The following UIMC1 variants were observed in gnomAD, a reference collection of about 807,000 sequenced individuals.
The protein encoded by UIMC1 is BRCA1-A complex subunit RAP80.
A neutral mutation model predicts 84.9 loss-of-function variants in UIMC1; 42 were observed. The ratio of observed to expected loss-of-function variants is 0.49; its 90% CI spans 0.39 to 0.64. UIMC1 has a LOEUF of 0.64. Among genes scored for constraint, UIMC1 ranks in the 30% least tolerant of loss-of-function variants. The pLI, the probability that UIMC1 is intolerant of heterozygous loss-of-function variation, is 0.00. For synonymous variants in UIMC1, 281 were observed against 293.0 expected (o/e 0.96, Z 0.42); for missense variants, 825 against 847.6 (o/e 0.97, Z 0.33).
At chr5:176,993,906 G>A (rs1438754725) in intron 1 of UIMC1, among the ~76,000 whole-genome samples, 1 of 151,876 alleles carries the variant, frequency 6.6e-6, no homozygotes, top group Non-Finnish European at 1.5e-5. Context: ...TACTTGGGAG[G>A]CTGAGGCAGG....
At chr5:176,940,518 A>AG (rs750412066) in intron 10 of UIMC1, among the ~76,000 whole-genome samples, 2 of 152,220 alleles carry the variant, frequency 1.3e-5, no homozygotes, top group Non-Finnish European at 2.9e-5. Context: ...CAGACAAGAT[A>AG]GTCTCTTTCC....
chr5:176,942,745 T>TAAAA (rs1044619072), intron 10 of UIMC1, among the ~76,000 whole-genome samples: 110 of 76,130 alleles, frequency 1.4e-3, no homozygotes, highest in African/African-American at 5.3e-3. Context: ...GACTCCGTCT[T>TAAAA]AAAAAAAAAA....
upstream of UIMC1, among the ~76,000 whole-genome samples, chr5:177,011,017 A>T (rs982731986): frequency 6.6e-6 from 1 of 151,598 alleles, no homozygotes; most frequent in Admixed American, 6.6e-5. Context: ...ATATGGCAAA[A>T]CCCCATCTCT....
intron 10 of UIMC1, among the ~76,000 whole-genome samples, chr5:176,924,449 T>A (rs988233554): frequency 6.6e-6 from 1 of 152,076 alleles, no homozygotes; most frequent in African/African-American, 2.4e-5. Flanking sequence ...TGTACTGGCA[T>A]AAAGACAAAC....
At chr5:177,004,758 C>G (rs353494) in intron 1 of UIMC1, among the ~76,000 whole-genome samples, 64,727 of 152,010 alleles carry the variant, frequency 0.43, 14,007 homozygotes, top group East Asian at 0.48. Context: ...CTTGATCTAT[C>G]TGAAGAAAAA....
At chr5:177,005,232 C>A (rs1158663652) in intron 1 of UIMC1, among the ~76,000 whole-genome samples, 1 of 151,748 alleles carries the variant, frequency 6.6e-6, no homozygotes, top group Non-Finnish European at 1.5e-5. Flanking sequence ...CGCCACCACA[C>A]TCTAATAATT....
intron 9 of UIMC1, 45 bp from the exon 10 acceptor site, chr5:176,943,533 T>C (rs756123513): frequency 1.2e-6 from 2 of 1,600,284 alleles, no homozygotes; most frequent in South Asian, 1.1e-5. Context: ...TTAGTTCATA[T>C]CATTCCCTAC....
At chr5:176,955,626 C>T (rs1001603137) in intron 8 of UIMC1, among the ~76,000 whole-genome samples, 2 of 152,104 alleles carry the variant, frequency 1.3e-5, no homozygotes, top group African/African-American at 4.8e-5. Context: ...AATTAAATAA[C>T]AAAAGGCTCT....
At chr5:176,970,601 T>C (rs1329726952) in intron 4 of UIMC1, 141 bp downstream of exon 4, 7 of 1,367,526 alleles carry the variant, frequency 5.1e-6, no homozygotes, top group Admixed American at 1.7e-5. Flanking sequence ...AACACAGACT[T>C]TAAAAAATTA....
intron 1 of UIMC1, among the ~76,000 whole-genome samples, chr5:176,994,141 T>G: frequency 6.6e-6 from 1 of 151,876 alleles, no homozygotes; most frequent in East Asian, 1.9e-4. Context: ...CTATGTCACT[T>G]TACATCTCTA....
At position 176,943,445 on chromosome 5, in the gene UIMC1, G is replaced by C; in HGVS notation, c.1487C>G (p.Thr496Ser). ...GGATACCTGGTTACTGGATGAGAAG[G>C]TAGAAATAGCTACTTCCTTCTCAGC... Reference protein sequence around the residue: ...EDAEKEVAISTFSSSNQVSCP... With the variant: ...EDAEKEVAISSFSSSNQVSCP... Residue 496 changes from threonine to serine, a missense_variant, in exon 10 of 15, where the codon ACC (threonine) becomes AGC (serine). Physicochemically the swap from Thr to Ser is moderately conservative, Grantham distance 58. Transcript: ENST00000511320. The C allele has an allele frequency of 1.2e-6, 2 of 1,614,094 alleles. No homozygotes were observed. The highest frequency in any genetic ancestry group is 1.7e-6 in the Non-Finnish European group (2 of 1,179,996).
At chr5:176,967,461 G>A (rs1387993230) in intron 6 of UIMC1, among the ~76,000 whole-genome samples, 1 of 152,104 alleles carries the variant, frequency 6.6e-6, no homozygotes, top group East Asian at 1.9e-4. Context: ...GGATACACTA[G>A]AACTAGTAAC....
intron 1 of UIMC1, among the ~76,000 whole-genome samples, chr5:176,995,510 C>T (rs1255993419): frequency 7.8e-6 from 1 of 128,338 alleles, no homozygotes; most frequent in Non-Finnish European, 1.5e-5. Flanking sequence ...GCACTCCAGA[C>T]TGGGTGACAG....
chr5:176,910,908 G>A (rs921253041), intron 11 of UIMC1, among the ~76,000 whole-genome samples: 1 of 152,032 alleles, frequency 6.6e-6, no homozygotes, highest in African/African-American at 2.4e-5. Context: ...TGACCAACAT[G>A]GAGAAACCCC....
intron 10 of UIMC1, among the ~76,000 whole-genome samples, chr5:176,925,291 T>A (rs1223040658): frequency 6.6e-6 from 1 of 152,166 alleles, no homozygotes; most frequent in African/African-American, 2.4e-5. Context: ...TTAGAATCAT[T>A]ACATGACTAC....
chr5:176,945,910 A>G (rs1390253399), intron 9 of UIMC1, among the ~76,000 whole-genome samples: 1 of 152,212 alleles, frequency 6.6e-6, no homozygotes, highest in Non-Finnish European at 1.5e-5. Context: ...GCTCTGTTAG[A>G]AATTACTGAG....
Position 176,919,936 on chromosome 5 carries a change from A to G in UIMC1, c.1598-8547T>C, listed in dbSNP as rs765439197. Among the ~76,000 whole-genome samples, 44 of 152,172 alleles carry G rather than the reference A, an allele frequency of 2.9e-4. 1 individual carries two copies. The highest frequency in any genetic ancestry group is 1.3e-4 in the Admixed American group (2 of 15,272). On this transcript the variant is annotated intron_variant, in intron 10 of 14. Transcript: ENST00000511320. ...CTTCGTTCTTTTTCAAGACTGTTCT[A>G]TTCTGTGCCCCTTGTATTTTGGTAT...
intron 1 of UIMC1, chr5:177,002,225 CG>C (rs1774627299): frequency 6.6e-6 from 1 of 151,442 alleles, no homozygotes; most frequent in African/African-American, 2.4e-5. Context: ...CCCAGGAGTT[CG>C]AGGTTGTGGT....
At chr5:177,015,276 A>G (rs762110766) in intron 1 of UIMC1, among the ~76,000 whole-genome samples, 19 of 152,200 alleles carry the variant, frequency 1.2e-4, no homozygotes, top group Non-Finnish European at 2.4e-4. Context: ...GAATTTACCT[A>G]AGATCACATA....
Sources: gnomAD v4.1 joint callset for allele counts (sites outside exome capture counted in the v4.1 genomes callset) on GRCh38, gnomAD v4.1.1 for gene constraint, MANE v1.5 for transcripts, NCBI Gene and HGNC (gene_info 2026-07-23, HGNC 2026-07-21) for gene names.